SHANK2: variants seen among roughly 807,000 people sequenced by gnomAD.
The protein encoded by SHANK2 is SH3 and multiple ankyrin repeat domains 2.
A neutral mutation model predicts 133.7 loss-of-function variants in SHANK2; 43 were observed. The ratio of observed to expected loss-of-function variants is 0.32; its 90% CI spans 0.25 to 0.41. The LOEUF (loss-of-function observed/expected upper bound fraction) is 0.41. Ranked by LOEUF, SHANK2 falls within the 10% of genes least tolerant of loss-of-function variation. The pLI is 1.00. For missense variants in SHANK2, 1,994 were observed against 2,235.8 expected (o/e 0.89, Z 2.18); for synonymous variants, 1,017 against 952.8 (o/e 1.07, Z -1.24).
At chr11:71,073,127 GT>G (rs1277169505) in intron 9 of SHANK2, among the ~76,000 whole-genome samples, 1 of 93,780 alleles carries the variant, frequency 1.1e-5, no homozygotes, top group East Asian at 3.2e-4. Context: ...CTTGCTTTTT[GT>G]TTTTTTTCTT....
chr11:70,746,308 C>T (rs1268207973), intron 14 of SHANK2, among the ~76,000 whole-genome samples: 1 of 116,412 alleles, frequency 8.6e-6, no homozygotes, highest in African/African-American at 3.3e-5. Flanking sequence ...GGGATGCGGG[C>T]TGCCCCATGC....
intron 2 of SHANK2, among the ~76,000 whole-genome samples, chr11:71,161,935 A>T (rs1555109977): frequency 6.6e-6 from 1 of 152,220 alleles, no homozygotes; most frequent in East Asian, 1.9e-4. Context: ...ATGTCTTCAC[A>T]GTCTGTCCAC....
At chr11:70,876,630 C>A (rs1949571240) in intron 11 of SHANK2, among the ~76,000 whole-genome samples, 1 of 151,734 alleles carries the variant, frequency 6.6e-6, no homozygotes, top group African/African-American at 2.4e-5. Flanking sequence ...CACATGCATA[C>A]ACATGCATAT....
chr11:70,592,283 G>A (rs1313260832), intron 17 of SHANK2, among the ~76,000 whole-genome samples: 1 of 152,150 alleles, frequency 6.6e-6, no homozygotes, highest in Admixed American at 6.5e-5. Context: ...GGGACAGCCA[G>A]GGCAGGTGAG....
chr11:71,079,749 G>A lies in SHANK2; in HGVS notation c.913-4474C>T, dbSNP rs1205885044. ...CACTCCAGCCTGGGAGACAGAGTGA[G>A]ACTCCGAGAAAAGAGAGAAAGAAAG... On this transcript the variant is annotated intron_variant, in intron 8 of 25. Transcript: ENST00000601538. Among the ~76,000 whole-genome samples, 236 of 149,916 alleles carry A rather than the reference G, an allele frequency of 1.6e-3. 2 individuals are homozygous for A. The highest frequency in any genetic ancestry group is 2.4e-4 in the Non-Finnish European group (16 of 67,554).
chr11:71,174,084 T>C (rs1179265057), intron 2 of SHANK2, among the ~76,000 whole-genome samples: 1 of 152,260 alleles, frequency 6.6e-6, no homozygotes, highest in Non-Finnish European at 1.5e-5. Flanking sequence ...GTGGCACCAT[T>C]AAAAACTGCT....
At chr11:71,195,371 G>A (rs1422411630) in intron 2 of SHANK2, among the ~76,000 whole-genome samples, 4 of 151,436 alleles carry the variant, frequency 2.6e-5, no homozygotes, top group African/African-American at 7.3e-5. Context: ...CAGCCTGGGT[G>A]ACAGAGCGAG....
chr11:70,929,525 A>G (rs74513774), intron 10 of SHANK2, among the ~76,000 whole-genome samples: 60,923 of 152,038 alleles, frequency 0.4, 14,217 homozygotes, highest in Admixed American at 0.52. Flanking sequence ...TCTAGAGGCC[A>G]TCTGCATTTT....
chr11:70,691,913 G>A (rs1285939849), intron 15 of SHANK2, among the ~76,000 whole-genome samples: 1 of 151,910 alleles, frequency 6.6e-6, no homozygotes. Context: ...TAAATAAATA[G>A]TAAAAAAATA....
chr11:70,834,815 A>C (rs1387036288), intron 11 of SHANK2, among the ~76,000 whole-genome samples: 1 of 152,110 alleles, frequency 6.6e-6, no homozygotes, highest in Non-Finnish European at 1.5e-5. Context: ...TGCAGGATCG[A>C]GGGAGGCCCG....
chr11:70,522,920 C>T (rs548070263), intron 17 of SHANK2, among the ~76,000 whole-genome samples: 8 of 152,196 alleles, frequency 5.3e-5, no homozygotes, highest in South Asian at 4.1e-4. Context: ...CGGCAACGTG[C>T]GGCCGCGGGC....
At chr11:70,692,813 T>C (rs540972428) in intron 15 of SHANK2, among the ~76,000 whole-genome samples, 2 of 152,346 alleles carry the variant, frequency 1.3e-5, no homozygotes, top group Admixed American at 1.3e-4. Context: ...ACAGTGGATA[T>C]TCAATGGTGA....
chr11:70,605,683 CAGAG>C (rs1554992162), intron 17 of SHANK2, among the ~76,000 whole-genome samples: 5 of 152,234 alleles, frequency 3.3e-5, no homozygotes, highest in Non-Finnish European at 7.3e-5. Context: ...ACGAGGAACG[CAGAG>C]CTCAACTGCA....
At chr11:70,899,113 C>A (rs574370035) in intron 10 of SHANK2, among the ~76,000 whole-genome samples, 1 of 152,258 alleles carries the variant, frequency 6.6e-6, no homozygotes, top group Non-Finnish European at 1.5e-5. Flanking sequence ...GACCACAGGG[C>A]AGAGCTGTGA....
intron 17 of SHANK2, chr11:70,646,163 G>C (rs1565210082): frequency 6.6e-6 from 1 of 152,240 alleles, no homozygotes; most frequent in African/African-American, 2.4e-5. Context: ...CCTGTGCTTG[G>C]TGCCCCCTCA....
chr11:70,867,242 G>T (rs577311355), intron 11 of SHANK2, among the ~76,000 whole-genome samples: 1 of 152,196 alleles, frequency 6.6e-6, no homozygotes, highest in South Asian at 2.1e-4. Flanking sequence ...ATCCGGGTAG[G>T]GGTAGGTGGA....
intron 1 of SHANK2, among the ~76,000 whole-genome samples, chr11:71,230,799 G>A (rs782405708): frequency 1.8e-4 from 27 of 152,192 alleles, no homozygotes; most frequent in Non-Finnish European, 2.1e-4. Context: ...GCTGATGAAG[G>A]TGCAAAAGCC....
At chr11:70,761,487 T>C (rs989998326) in intron 14 of SHANK2, among the ~76,000 whole-genome samples, 1 of 152,220 alleles carries the variant, frequency 6.6e-6, no homozygotes, top group Non-Finnish European at 1.5e-5. Flanking sequence ...CGAGGCACCA[T>C]GTCTGCGTGG....
chr11:71,103,814 T>G (rs868994615), intron 6 of SHANK2, among the ~76,000 whole-genome samples: 125 of 151,162 alleles, frequency 8.3e-4, no homozygotes, highest in African/African-American at 2.7e-3. Context: ...TGTTTAAAGG[T>G]GTGTGGCACC....
Sources: allele counts gnomAD v4.1 joint callset (sites outside exome capture counted in the v4.1 genomes callset), GRCh38; gene constraint gnomAD v4.1.1; transcripts MANE v1.5; gene names NCBI Gene and HGNC (gene_info 2026-07-23, HGNC 2026-07-21).